ZNF430: variants seen among roughly 807,000 people sequenced by gnomAD.
The protein encoded by ZNF430 is zinc finger protein 430.
Under a neutral mutation model 56.7 loss-of-function variants are expected in ZNF430, and 35 were observed. That is an observed-to-expected ratio of 0.62 (90% CI 0.47 to 0.82). The LOEUF (loss-of-function observed/expected upper bound fraction) is 0.82, where lower values mean the gene tolerates loss of function less well. Ranked by LOEUF, ZNF430 falls within the 40% of genes least tolerant of loss-of-function variation. The pLI is 0.00. For synonymous variants in ZNF430, 212 were observed against 224.3 expected (o/e 0.94, Z 0.49); for missense variants, 574 against 661.0 (o/e 0.87, Z 1.44).
intron 2 of ZNF430, among the ~76,000 whole-genome samples, chr19:21,032,854 A>T (rs1052662566): frequency 6.6e-6 from 1 of 152,234 alleles, no homozygotes; most frequent in Non-Finnish European, 1.5e-5. Context: ...GGTACCTTCG[A>T]ACTCAACATG....
intron 2 of ZNF430, among the ~76,000 whole-genome samples, chr19:21,029,535 T>A (rs1227166268): frequency 6.6e-6 from 1 of 152,168 alleles, no homozygotes; most frequent in Non-Finnish European, 1.5e-5. Context: ...GAACTGGAAA[T>A]ACCTTGGTGG....
At chr19:21,040,463 C>T (rs2144771369) in intron 4 of ZNF430, among the ~76,000 whole-genome samples, 1 of 152,314 alleles carries the variant, frequency 6.6e-6, no homozygotes, top group Non-Finnish European at 1.5e-5. Flanking sequence ...CTGTCTCCTT[C>T]ACCTCACACT....
intron 4 of ZNF430, 43 bp downstream of exon 4, chr19:21,034,227 C>CA (rs778916308): frequency 6.9e-6 from 9 of 1,309,686 alleles, no homozygotes; most frequent in African/African-American, 6.0e-5. Context: ...ATGAGAGGTC[C>CA]AAAAAAGAAG....
At chr19:21,049,662 C>CTGCAACATTTCTTGTTACATTCCG (rs1968248293) in intron 4 of ZNF430, 1 of 23,042 alleles carries the variant, frequency 4.3e-5, no homozygotes, top group Non-Finnish European at 1.2e-4. Flanking sequence ...GTTACGTTTC[C>CTGCAACATTTCTTGTTACATTCCG]TGCAACATTT....
At chr19:21,022,743 TAG>T in intron 1 of ZNF430, 44 bp from the exon 2 acceptor site, 1 of 1,286,982 alleles carries the variant, frequency 7.8e-7, no homozygotes, top group Non-Finnish European at 1.1e-6. Context: ...TTATGTCAGT[TAG>T]AGTGTCTAGT....
chr19:21,030,755 T>C (rs1486541673), intron 2 of ZNF430, among the ~76,000 whole-genome samples: 1 of 152,092 alleles, frequency 6.6e-6, no homozygotes, highest in East Asian at 1.9e-4. Context: ...CATGAACCCT[T>C]TTCAAACTTG....
chr19:21,039,344 C>T (rs529141584), intron 4 of ZNF430, among the ~76,000 whole-genome samples: 1 of 148,364 alleles, frequency 6.7e-6, no homozygotes, highest in Admixed American at 6.7e-5. Flanking sequence ...ATTTTCTTGC[C>T]TTGGCCTCTG....
rs747809260 is a variant in ZNF430 at position 21,026,827 on chromosome 19, C to CTTTTTTTTTTTTTTTTTTTT, written c.96+3950_96+3969dup. Among the ~76,000 whole-genome samples, 36 of 68,728 alleles carry CTTTTTTTTTTTTTTTTTTTT rather than the reference C, an allele frequency of 5.2e-4. 4 individuals are homozygous for CTTTTTTTTTTTTTTTTTTTT. The highest frequency in any genetic ancestry group is 1.3e-3 in the African/African-American group (23 of 17,864). The allele number at this position is 68,728 out of a possible 152,430, so 45.1% of individuals were successfully genotyped here. On this transcript the variant is annotated intron_variant, in intron 2 of 4. Coordinates refer to ENST00000261560, the MANE Select transcript of ZNF430 (RefSeq NM_025189.4). Reference sequence around the variant, plus strand: ...TTGGATGCCTTTTTTCTTTTCTTTTCTTTTTTTTTTTTTTTTTTTTTTTGA... The same window carrying CTTTTTTTTTTTTTTTTTTTT: ...TTGGATGCCTTTTTTCTTTTCTTTTCTTTTTTTTTTTTTTTTTTTTTTTTTTTTTTTTTTTTTTTTTTTGA...
chr19:21,032,144 T>C (rs999461030), intron 2 of ZNF430, among the ~76,000 whole-genome samples: 1 of 152,198 alleles, frequency 6.6e-6, no homozygotes, highest in Non-Finnish European at 1.5e-5. Flanking sequence ...ATCTGTTTTC[T>C]CTATTAACTC....
chr19:21,042,043 G>C (rs371234817), intron 4 of ZNF430, among the ~76,000 whole-genome samples: 1 of 152,154 alleles, frequency 6.6e-6, no homozygotes, highest in Non-Finnish European at 1.5e-5. Flanking sequence ...TCTCACTTAC[G>C]AGTGAGAACA....
At chr19:21,034,772 CA>C (rs1282215848) in intron 4 of ZNF430, 2 of 152,200 alleles carry the variant, frequency 1.3e-5, no homozygotes, top group Non-Finnish European at 2.9e-5. Context: ...CTCCTGACCT[CA>C]AGTGATCCAC....
chr19:21,044,198 G>A (rs374341575), intron 4 of ZNF430, among the ~76,000 whole-genome samples: 1 of 151,924 alleles, frequency 6.6e-6, no homozygotes, highest in East Asian at 1.9e-4. Flanking sequence ...TGCCCTTTCG[G>A]TATGATACTG....
In ZNF430 at chr19:21,022,784, C is replaced by G. The variant is rs1441154096; in HGVS notation, c.4-5C>G. 6.3e-7 allele frequency: 1 copy of G among 1,595,524 alleles called. No homozygotes were observed. Among genetic ancestry groups the G allele is most frequent in the East Asian group, 2.2e-5 (1 of 44,782 alleles). On this transcript the variant is annotated splice_polypyrimidine_tract_variant and splice_region_variant and intron_variant, in intron 1 of 4. Transcript: ENST00000261560. ...TATCAGCTTCTGGGTTATTTTCTCC[C>G]ATAGGAGAACCTGAAGTCTGGAGTG...
At position 21,034,113 on chromosome 19, in the gene ZNF430, T is replaced by C; in HGVS notation, c.251T>C (p.Leu84Pro). 6.2e-7 allele frequency: 1 copy of C among 1,613,076 alleles called. No homozygotes were observed. The highest frequency in any genetic ancestry group is 8.5e-7 in the Non-Finnish European group (1 of 1,179,678). The change falls in exon 4 of 5, where the codon CTG becomes CCG. Residue 84 changes from leucine to proline, a missense_variant. Physicochemically the swap from Leu to Pro is moderately conservative, Grantham distance 98. This residue lies in a region of ZNF430 where 346 missense variants were observed against 399.1 expected (regional missense o/e 0.87). Coordinates refer to ENST00000261560, the MANE Select transcript of ZNF430 (RefSeq NM_025189.4). ...GGTATTGCTGTTTCTAAGCCAGACC[T>C]GATCACCTGTCTAGAGCAAGGAAAA... ...LAGIAVSKPD[L>P]ITCLEQGKEP... is the part of the protein sequence containing the mutation.
At chr19:21,045,539 A>C (rs1968173151) in intron 4 of ZNF430, among the ~76,000 whole-genome samples, 1 of 152,152 alleles carries the variant, frequency 6.6e-6, no homozygotes, top group African/African-American at 2.4e-5. Flanking sequence ...GAGAATGTGT[A>C]TTGTGTTGTT....
intron 4 of ZNF430, among the ~76,000 whole-genome samples, chr19:21,052,826 G>A (rs1015162601): frequency 1.3e-5 from 2 of 152,096 alleles, no homozygotes; most frequent in Non-Finnish European, 2.9e-5. Context: ...AATGGACTCA[G>A]GGACCTGGAG....
intron 4 of ZNF430, among the ~76,000 whole-genome samples, chr19:21,042,678 C>A (rs1488320783): frequency 1.3e-5 from 2 of 151,894 alleles, no homozygotes. Context: ...GTCCCCGCTA[C>A]TTGGGAGGCT....
intron 4 of ZNF430, among the ~76,000 whole-genome samples, chr19:21,051,769 G>C (rs192045231): frequency 1.3e-5 from 2 of 152,162 alleles, no homozygotes; most frequent in Admixed American, 1.3e-4. Context: ...AATTATAGGC[G>C]TGAGCCACTG....
At chr19:21,023,370 C>T (rs1362422892) in intron 2 of ZNF430, among the ~76,000 whole-genome samples, 1 of 152,100 alleles carries the variant, frequency 6.6e-6, no homozygotes, top group Non-Finnish European at 1.5e-5. Context: ...TTTATTTTAA[C>T]CTCAGTTTTT....
Sources: gnomAD v4.1 joint callset for allele counts (sites outside exome capture counted in the v4.1 genomes callset) on GRCh38, gnomAD v4.1.1 for gene constraint, gnomAD v4.1.1 regional missense constraint, MANE v1.5 for transcripts, NCBI Gene and HGNC (gene_info 2026-07-23, HGNC 2026-07-21) for gene names.